Variants in ETV6 observed in about 807,000 individuals in gnomAD.
ETV6 encodes ETS variant transcription factor 6.
Under a neutral mutation model 51.1 loss-of-function variants are expected in ETV6, and 16 were observed. The ratio of observed to expected loss-of-function variants is 0.31; its 90% CI spans 0.21 to 0.48. The LOEUF is 0.48. Among genes scored for constraint, ETV6 ranks in the 20% least tolerant of loss-of-function variants. ETV6 has a pLI of 0.99. For synonymous variants in ETV6, 240 were observed against 224.1 expected (o/e 1.07, Z -0.64); for missense variants, 458 against 594.8 (o/e 0.77, Z 2.39).
intron 4 of ETV6, among the ~76,000 whole-genome samples, chr12:11,860,701 CTGTT>C (rs1946704415): frequency 6.6e-6 from 1 of 151,542 alleles, no homozygotes; most frequent in African/African-American, 2.4e-5. Flanking sequence ...TTCCCCCCCT[CTGTT>C]TGTGTAAATT....
chr12:11,748,483 G>A (rs1258341635), intron 1 of ETV6, among the ~76,000 whole-genome samples: 3 of 152,172 alleles, frequency 2.0e-5, no homozygotes, highest in Non-Finnish European at 2.9e-5. Context: ...GTTAGCAGTA[G>A]GCTCTAAGTT....
chr12:11,774,633 G>A (rs973955236), intron 2 of ETV6, among the ~76,000 whole-genome samples: 3 of 152,150 alleles, frequency 2.0e-5, no homozygotes, highest in Non-Finnish European at 4.4e-5. Flanking sequence ...TTTTCATTTG[G>A]CTCACAAAAG....
intron 1 of ETV6, among the ~76,000 whole-genome samples, chr12:11,662,971 C>G (rs1420907231): frequency 6.6e-6 from 1 of 152,200 alleles, no homozygotes; most frequent in Admixed American, 6.5e-5. Context: ...AAGAGTTAGT[C>G]CTGTTGGCTG....
chr12:11,874,473 C>T (rs71443681), intron 5 of ETV6, among the ~76,000 whole-genome samples: 544 of 3,334 alleles, frequency 0.16, 230 homozygotes, highest in African/African-American at 0.19. Context: ...TACACACACA[C>T]GTGTATGTGC....
chr12:11,754,491 A>G (rs1451198129), intron 2 of ETV6, among the ~76,000 whole-genome samples: 1 of 152,222 alleles, frequency 6.6e-6, no homozygotes, highest in African/African-American at 2.4e-5. Context: ...CAAAACAAAT[A>G]AGAAAGCAAA....
rs1013971886 is a variant in ETV6 at position 11,829,164 on chromosome 12, G to C, written c.164-9976G>C. Among the ~76,000 whole-genome samples the C allele has an allele frequency of 1.7e-4, 26 of 152,170 alleles. 1 individual carries two copies. Among genetic ancestry groups the C allele is most frequent in the South Asian group, 4.1e-4 (2 of 4,828 alleles). Reference sequence around the variant, plus strand: ...CGTCATGCACCTTCCAAGAATGCTTGCTCCAGCTTCTGCAGCTCCAGGGAG... The same window carrying C: ...CGTCATGCACCTTCCAAGAATGCTTCCTCCAGCTTCTGCAGCTCCAGGGAG... On this transcript the variant is annotated intron_variant, in intron 2 of 7. Coordinates refer to ENST00000396373, the MANE Select transcript of ETV6 (RefSeq NM_001987.5).
At chr12:11,867,519 A>G (rs943433413) in intron 4 of ETV6, among the ~76,000 whole-genome samples, 2 of 152,172 alleles carry the variant, frequency 1.3e-5, no homozygotes, top group African/African-American at 2.4e-5. Flanking sequence ...ATCTTTTAAT[A>G]TTGTGAACAA....
chr12:11,653,327 G>A (rs985084010), intron 1 of ETV6, among the ~76,000 whole-genome samples: 3 of 152,162 alleles, frequency 2.0e-5, no homozygotes, highest in African/African-American at 4.8e-5. Flanking sequence ...TAGCAGACAC[G>A]GTCCCTTGTC....
intron 1 of ETV6, among the ~76,000 whole-genome samples, chr12:11,678,671 C>T (rs367984654): frequency 5.3e-5 from 8 of 152,240 alleles, no homozygotes; most frequent in East Asian, 3.9e-4. Flanking sequence ...AATTGGCTCA[C>T]GTGATTATGG....
chr12:11,819,460 C>T (rs1391985404), intron 2 of ETV6, among the ~76,000 whole-genome samples: 2 of 152,188 alleles, frequency 1.3e-5, no homozygotes, highest in East Asian at 3.8e-4. Context: ...ATGGGGACTT[C>T]CAAATATTTT....
At position 11,865,443 on chromosome 12, in the gene ETV6, A is replaced by G. The variant is rs534656032; in HGVS notation, c.464-3981A>G. Among the ~76,000 whole-genome samples the G allele has an allele frequency of 4.6e-5, 7 of 151,870 alleles. No individual in the cohort carries two copies. The South Asian group carries it at 1.5e-3, about 32-fold the overall frequency. ...ATCAGAATCCAAACAACATCTATAC[A>G]TTGCAGATGGTTAACGTATCTCTTA... is the stretch of plus-strand genomic sequence containing the variant. On this transcript the variant is annotated intron_variant, in intron 4 of 7. Coordinates refer to ENST00000396373, the MANE Select transcript of ETV6 (RefSeq NM_001987.5).
Position 11,850,191 on chromosome 12 carries a change from C to T in ETV6, c.329-3236C>T, listed in dbSNP as rs11832029. 8.4e-3 allele frequency among the ~76,000 whole-genome samples: 1,273 copies of T among 152,238 alleles called. 21 individuals carry two copies. Among genetic ancestry groups the T allele is most frequent in the African/African-American group, 0.029 (1,201 of 41,542 alleles). ...GGAAACTGGCCGAGTCCACTTGACC[C>T]GCCCCTCCCCCTGCTTCCTCCTGCA... On this transcript the variant is annotated intron_variant, in intron 3 of 7. Transcript: ENST00000396373.
chr12:11,674,510 A>G (rs1301859791), intron 1 of ETV6, among the ~76,000 whole-genome samples: 1 of 152,146 alleles, frequency 6.6e-6, no homozygotes, highest in Non-Finnish European at 1.5e-5. Context: ...TAATGAATAT[A>G]TGCAGAAAAC....
intron 5 of ETV6, among the ~76,000 whole-genome samples, chr12:11,870,638 C>A (rs941952313): frequency 6.6e-6 from 1 of 152,220 alleles, no homozygotes; most frequent in Non-Finnish European, 1.5e-5. Context: ...GCTTAATCCT[C>A]TAACCATGTG....
chr12:11,760,936 A>G (rs201058353), intron 2 of ETV6, among the ~76,000 whole-genome samples: 1 of 44,242 alleles, frequency 2.3e-5, no homozygotes, highest in Non-Finnish European at 1.1e-4. Flanking sequence ...GTGTGTGTGT[A>G]TATATGTATA....
intron 1 of ETV6, among the ~76,000 whole-genome samples, chr12:11,703,559 G>T (rs1287619335): frequency 6.6e-6 from 1 of 151,962 alleles, no homozygotes; most frequent in Non-Finnish European, 1.5e-5. Context: ...CCCTTATGGG[G>T]CTTTCACCTA....
At chr12:11,792,365 C>A (rs1161818866) in intron 2 of ETV6, among the ~76,000 whole-genome samples, 1 of 152,146 alleles carries the variant, frequency 6.6e-6, no homozygotes, top group Non-Finnish European at 1.5e-5. Flanking sequence ...TGAATAGGAC[C>A]CACACAACTC....
At chr12:11,860,621 A>T (rs1323066680) in intron 4 of ETV6, among the ~76,000 whole-genome samples, 2 of 151,880 alleles carry the variant, frequency 1.3e-5, no homozygotes, top group Non-Finnish European at 2.9e-5. Context: ...AAATGCCCTT[A>T]GAATAGCCAA....
intron 2 of ETV6, among the ~76,000 whole-genome samples, chr12:11,769,516 G>A (rs1408728519): frequency 6.6e-6 from 1 of 152,106 alleles, no homozygotes; most frequent in African/African-American, 2.4e-5. Flanking sequence ...GGCACGTGTA[G>A]CAAAATACTA....
Sources: allele counts gnomAD v4.1 joint callset (sites outside exome capture counted in the v4.1 genomes callset), GRCh38; gene constraint gnomAD v4.1.1; transcripts MANE v1.5; gene names NCBI Gene and HGNC (gene_info 2026-07-23, HGNC 2026-07-21).